Variants in ATAD5 observed in about 807,000 individuals in gnomAD.
The protein encoded by ATAD5 is ATPase family AAA domain-containing protein 5.
A neutral mutation model predicts 176.9 loss-of-function variants in ATAD5; 58 were observed. The observed-to-expected ratio is 0.33, with a 90% CI of 0.27 to 0.41. The LOEUF (loss-of-function observed/expected upper bound fraction) is 0.41. Ranked by LOEUF, ATAD5 falls within the 10% of genes least tolerant of loss-of-function variation. The pLI, the probability that ATAD5 is intolerant of heterozygous loss-of-function variation, is 1.00. For missense variants in ATAD5, 1,789 were observed against 2,094.1 expected, an observed-to-expected ratio of 0.85 and a Z score of 2.84; for synonymous variants, 640 against 712.6, an observed-to-expected ratio of 0.90 and a Z score of 1.62.
Position 30,840,747 on chromosome 17 carries a change from C to T in ATAD5, c.2207C>T (p.Thr736Ile). ...TTAAGGCGCTCCTCTAGACATCAGACACTTCCTGAAAGGAAGAAATTGTCA... is the reference window on the plus strand; with the variant it reads ...TTAAGGCGCTCCTCTAGACATCAGATACTTCCTGAAAGGAAGAAATTGTCA... Reference protein sequence around the residue: ...IPLRRSSRHQTLPERKKLSET... With the variant: ...IPLRRSSRHQILPERKKLSET... Residue 736 changes from threonine to isoleucine, a missense_variant, in exon 4 of 23, where the codon ACA (threonine) becomes ATA (isoleucine). By Grantham distance (89) the Thr-to-Ile change is moderately conservative (BLOSUM62 -1). Coordinates refer to ENST00000321990, the MANE Select transcript of ATAD5 (RefSeq NM_024857.5). The T allele has an allele frequency of 6.2e-7, 1 of 1,606,694 alleles. No individual in the cohort carries two copies. Among genetic ancestry groups the T allele is most frequent in the Non-Finnish European group, 8.5e-7 (1 of 1,177,670 alleles).
rs73277989 is a variant in ATAD5, at chr17:30,870,105, T to A, written c.3607+459T>A. On this transcript the variant is annotated intron_variant, in intron 14 of 22. Coordinates refer to ENST00000321990, the MANE Select transcript of ATAD5 (RefSeq NM_024857.5). Reference sequence around the variant, plus strand: ...CTCCAGCCTGGGTGACAGAGTGAGATCCCATCTCCAAAAAAAAAGATCTAT... The same window carrying A: ...CTCCAGCCTGGGTGACAGAGTGAGAACCCATCTCCAAAAAAAAAGATCTAT... Among the ~76,000 whole-genome samples the A allele has an allele frequency of 6.5e-3, 981 of 152,036 alleles. 11 individuals are homozygous for A. The highest frequency in any genetic ancestry group is 0.022 in the African/African-American group (918 of 41,490).
At chr17:30,890,418 CTTT>C (rs968126768) in intron 19 of ATAD5, among the ~76,000 whole-genome samples, 1 of 106,718 alleles carries the variant, frequency 9.4e-6, no homozygotes, top group Non-Finnish European at 1.9e-5. Flanking sequence ...CTCTTCTTTT[CTTT>C]TTTTTTTTTT....
intron 11 of ATAD5, among the ~76,000 whole-genome samples, chr17:30,867,045 GTTCC>G (rs1464049807): frequency 6.7e-6 from 1 of 149,586 alleles, no homozygotes; most frequent in Non-Finnish European, 1.5e-5. Context: ...TACTTGTATT[GTTCC>G]TTCTTTCTTT....
chr17:30,856,430 G>A (rs1907296300), intron 7 of ATAD5, among the ~76,000 whole-genome samples: 2 of 152,174 alleles, frequency 1.3e-5, no homozygotes, highest in Admixed American at 1.3e-4. Flanking sequence ...GTTGCTAACT[G>A]CCTCTTAAAA....
chr17:30,867,056 C>CT (rs60477859), intron 11 of ATAD5, among the ~76,000 whole-genome samples: 15,542 of 142,886 alleles, frequency 0.11, 907 homozygotes, highest in South Asian at 0.25. Flanking sequence ...TTCCTTCTTT[C>CT]TTTTTTTTTT....
At position 30,840,698 on chromosome 17, in the gene ATAD5, G is replaced by A; in HGVS notation, c.2158G>A (p.Val720Met). 6.2e-7 allele frequency: 1 copy of A among 1,608,914 alleles called. No homozygotes were observed. The highest frequency in any genetic ancestry group is 8.5e-7 in the Non-Finnish European group (1 of 1,177,972). ...AKALHISRSK[V>M]TEEIAIPLRR... is the part of the protein sequence containing the mutation. Reference sequence around the variant, plus strand: ...AGCTTTACACATCAGTAGGTCAAAGGTGACTGAAGAAATAGCGATACCCTT... The same window carrying A: ...AGCTTTACACATCAGTAGGTCAAAGATGACTGAAGAAATAGCGATACCCTT... The change falls in exon 4 of 23, where the codon GTG becomes ATG. Residue 720 changes from valine (V) to methionine (M), a missense_variant. Val to Met is a conservative substitution (Grantham distance 21). Coordinates refer to ENST00000321990, the MANE Select transcript of ATAD5 (RefSeq NM_024857.5).
chr17:30,884,749 CTTTTTTTT>C (rs71142006), intron 18 of ATAD5, among the ~76,000 whole-genome samples: 3 of 115,782 alleles, frequency 2.6e-5, no homozygotes, highest in Admixed American at 1.8e-4. Flanking sequence ...ATTTCTTTTT[CTTTTTTTT>C]TTTTTTTTGA....
intron 7 of ATAD5, among the ~76,000 whole-genome samples, chr17:30,856,016 T>A (rs528728358): frequency 2.6e-5 from 4 of 152,340 alleles, no homozygotes; most frequent in Admixed American, 2.6e-4. Context: ...CTAGTACAGC[T>A]TTATATAGCA....
chr17:30,873,124 C>T (rs1908437819), intron 14 of ATAD5, among the ~76,000 whole-genome samples: 1 of 151,972 alleles, frequency 6.6e-6, no homozygotes, highest in South Asian at 2.1e-4. Context: ...AAGCAGAATC[C>T]CATCTTATTT....
chr17:30,858,160 G>A lies in ATAD5; in HGVS notation c.2794-1G>A. On this transcript the variant is annotated splice_acceptor_variant, in intron 8 of 22. Transcript: ENST00000321990. LOFTEE classifies it high-confidence loss of function. ...ATTGTGCATTTTATTCTTTATTGCA[G>A]TTCATGAGGACAAGGAAGGAATTTA... 1 of 1,540,668 alleles carries A rather than the reference G, an allele frequency of 6.5e-7. No individual in the cohort carries two copies. Among genetic ancestry groups the A allele is most frequent in the Non-Finnish European group, 8.7e-7 (1 of 1,145,240 alleles).
intron 2 of ATAD5, among the ~76,000 whole-genome samples, chr17:30,836,729 G>A (rs61223749): frequency 0.11 from 15,920 of 151,484 alleles, 950 homozygotes; most frequent in South Asian, 0.24. Context: ...CACCATACCC[G>A]GCTGATCTTT....
rs536643287 is a variant in ATAD5, at chr17:30,834,221, G to A, written c.140G>A (p.Gly47Glu). 3.1e-6 allele frequency: 5 copies of A among 1,610,664 alleles called. No individual in the cohort carries two copies. The highest frequency in any genetic ancestry group is 3.4e-5 in the Admixed American group (2 of 59,116). ...ATTACAAAATATTTATCACCACTAG[G>A]GAAGACTAGAGACAGGGTTTTTGCT... The part of the protein sequence containing the change: ...KTITKYLSPL[G>E]KTRDRVFAPP... Residue 47 changes from glycine (G) to glutamate (E), a missense_variant, in exon 2 of 23, where the codon GGG (glycine) becomes GAG (glutamate). Physicochemically the swap from Gly to Glu is moderately conservative, Grantham distance 98. Transcript: ENST00000321990.
intron 6 of ATAD5, among the ~76,000 whole-genome samples, chr17:30,853,478 ACTT>A (rs967063221): frequency 2.0e-4 from 30 of 152,172 alleles, no homozygotes; most frequent in African/African-American, 6.7e-4. Flanking sequence ...AAAAAAATAC[ACTT>A]CTTCTTTTCT....
In ATAD5 at chr17:30,843,428, G is replaced by A. The variant is rs375758481; in HGVS notation, c.2242-485G>A. On this transcript the variant is annotated intron_variant, in intron 4 of 22. Coordinates refer to ENST00000321990, the MANE Select transcript of ATAD5 (RefSeq NM_024857.5). ...CGCACTTTGAGAGGCTGAGGCAGGCGGATCACCTGTCAGGAGTTCGAGACC... is the reference window on the plus strand; with the variant it reads ...CGCACTTTGAGAGGCTGAGGCAGGCAGATCACCTGTCAGGAGTTCGAGACC... Among the ~76,000 whole-genome samples the A allele has an allele frequency of 8.6e-5, 13 of 151,678 alleles. 1 individual carries two copies. Among genetic ancestry groups the A allele is most frequent in the African/African-American group, 2.9e-4 (12 of 41,332 alleles).
At chr17:30,871,302 T>G (rs1251436457) in intron 14 of ATAD5, among the ~76,000 whole-genome samples, 4 of 151,536 alleles carry the variant, frequency 2.6e-5, no homozygotes, top group Non-Finnish European at 5.9e-5. Flanking sequence ...GGAATACAGT[T>G]ATAACAACTG....
chr17:30,836,715 G>A (rs764659809), intron 2 of ATAD5, among the ~76,000 whole-genome samples: 4 of 151,354 alleles, frequency 2.6e-5, no homozygotes, highest in Non-Finnish European at 4.4e-5. Flanking sequence ...TTACAGGTGC[G>A]TGCCACCATA....
chr17:30,835,575 A>C lies in ATAD5; in HGVS notation c.1494A>C (p.Gly498=). 3.1e-6 allele frequency: 5 copies of C among 1,612,138 alleles called. No individual in the cohort carries two copies. Among genetic ancestry groups the C allele is most frequent in the Non-Finnish European group, 4.2e-6 (5 of 1,178,736 alleles). Residue 498 remains glycine (G), a synonymous_variant, in exon 2 of 23, where the codon GGA becomes GGC. Coordinates refer to ENST00000321990, the MANE Select transcript of ATAD5 (RefSeq NM_024857.5). The part of the protein sequence containing the change: ...TGAIPGKNRE[G]NTQKKETTFF... ...CTATTCCAGGCAAAAACAGAGAGGG[A>C]AACACTCAAAAGAAAGAAACAACCT...
At position 30,832,917 on chromosome 17, in the gene ATAD5, C is replaced by T. The variant is rs1214456344; in HGVS notation, c.66+504C>T. ...TGGCTTAGTATCTGCGGTTAGGAAT[C>T]GCAGTGTAACATGTTCTTTTGGGTT... On this transcript the variant is annotated intron_variant, in intron 1 of 22. Transcript: ENST00000321990. Among the ~76,000 whole-genome samples the T allele has an allele frequency of 3.3e-5, 5 of 152,156 alleles. No individual in the cohort carries two copies. In the South Asian group the frequency reaches 8.3e-4, roughly 25 times the overall value.
rs1039983136 is a variant in ATAD5 at position 30,851,513 on chromosome 17, A to T, written c.2451-3630A>T. 1.4e-3 allele frequency among the ~76,000 whole-genome samples: 213 copies of T among 150,900 alleles called. 4 individuals carry two copies. Among genetic ancestry groups the T allele is most frequent in the Admixed American group, 9.0e-3 (136 of 15,100 alleles). ...TCTGTCTCAAAAAAAAAAAAAAAAA[A>T]TCCTAAGGGTAGGCCAGGCATAGTG... On this transcript the variant is annotated intron_variant, in intron 6 of 22. Coordinates refer to ENST00000321990, the MANE Select transcript of ATAD5 (RefSeq NM_024857.5).
Sources: gnomAD v4.1 joint callset for allele counts (sites outside exome capture counted in the v4.1 genomes callset) on GRCh38, gnomAD v4.1.1 for gene constraint, MANE v1.5 for transcripts, NCBI Gene and HGNC (gene_info 2026-07-23, HGNC 2026-07-21) for gene names.